PPP1R13B: variants seen among roughly 807,000 people sequenced by gnomAD.
PPP1R13B encodes the protein apoptosis-stimulating of p53 protein 1.
PPP1R13B carries 44 observed loss-of-function variants against 119.8 expected under a neutral mutation model. The ratio of observed to expected loss-of-function variants is 0.37; its 90% confidence interval spans 0.29 to 0.47. The LOEUF (loss-of-function observed/expected upper bound fraction) is 0.47. Among genes scored for constraint, PPP1R13B ranks in the 20% least tolerant of loss-of-function variants. The probability of loss-of-function intolerance (pLI) is 0.99; values close to 1 mark genes in which losing one functional copy is unlikely to be tolerated. For missense variants in PPP1R13B, 1,227 were observed against 1,413.5 expected, an observed-to-expected ratio of 0.87 and a Z score of 2.12; for synonymous variants, 542 against 561.5, an observed-to-expected ratio of 0.97 and a Z score of 0.49.
At chr14:103,825,326 G>A (rs1175201042) in intron 1 of PPP1R13B, among the ~76,000 whole-genome samples, 1 of 152,166 alleles carries the variant, frequency 6.6e-6, no homozygotes, top group Non-Finnish European at 1.5e-5. Context: ...TCAAGTGAAA[G>A]GAAAGTGACC....
intron 1 of PPP1R13B, among the ~76,000 whole-genome samples, chr14:103,808,755 A>G (rs1260502683): frequency 1.3e-5 from 2 of 152,254 alleles, no homozygotes; most frequent in African/African-American, 4.8e-5. Context: ...TATTTTGGAA[A>G]AGGAATAAAA....
chr14:103,774,810 G>A (rs2085149853), intron 4 of PPP1R13B, among the ~76,000 whole-genome samples: 1 of 152,158 alleles, frequency 6.6e-6, no homozygotes, highest in Non-Finnish European at 1.5e-5. Context: ...AAACCGCTCT[G>A]TAGACAATAA....
chr14:103,776,407 A>G (rs916437742), intron 4 of PPP1R13B, among the ~76,000 whole-genome samples: 1 of 152,210 alleles, frequency 6.6e-6, no homozygotes, highest in Non-Finnish European at 1.5e-5. Flanking sequence ...AGAGAGGTGA[A>G]ATAACTTGCT....
chr14:103,769,535 T>C (rs1244921260), intron 4 of PPP1R13B, among the ~76,000 whole-genome samples: 1 of 152,184 alleles, frequency 6.6e-6, no homozygotes, highest in Non-Finnish European at 1.5e-5. Flanking sequence ...CCACAACACA[T>C]ACTGTATAAC....
intron 1 of PPP1R13B, among the ~76,000 whole-genome samples, chr14:103,821,792 A>C (rs368278330): frequency 1.2e-4 from 18 of 152,130 alleles, no homozygotes; most frequent in African/African-American, 3.9e-4. Context: ...AATAAAGAGG[A>C]GCTGACCACA....
In PPP1R13B at chr14:103,737,845, G is replaced by A. The variant is rs200187506; in HGVS notation, c.2880C>T (p.Cys960=). ...ADSDGWTPLH[C]AASCNSVHLC... ...GGTGAACGCTGTTACAAGAGGCAGC[G>A]CAGTGCAGCGGCGTCCTGGAATAGA... The change falls in exon 15 of 17, where the codon TGC becomes TGT. Residue 960 remains cysteine (C), a synonymous_variant. Coordinates refer to ENST00000202556, the MANE Select transcript of PPP1R13B (RefSeq NM_015316.3). The A allele has an allele frequency of 2.9e-4, 463 of 1,613,882 alleles. No homozygotes were observed. In the African/African-American group the frequency reaches 3.2e-3, roughly 11 times the overall value.
intron 1 of PPP1R13B, among the ~76,000 whole-genome samples, chr14:103,808,834 T>TA (rs1014182280): frequency 3.3e-5 from 5 of 152,152 alleles, no homozygotes; most frequent in Non-Finnish European, 7.3e-5. Context: ...TTAACCCTCT[T>TA]ACGAAGGCAG....
chr14:103,758,247 C>T (rs1050791027), intron 4 of PPP1R13B, among the ~76,000 whole-genome samples: 7 of 152,176 alleles, frequency 4.6e-5, no homozygotes, highest in African/African-American at 1.4e-4. Flanking sequence ...ACACATCATC[C>T]GAGAGAATTA....
intron 2 of PPP1R13B, among the ~76,000 whole-genome samples, chr14:103,785,630 G>A (rs540257083): frequency 6.6e-6 from 1 of 151,518 alleles, no homozygotes; most frequent in Admixed American, 6.6e-5. Context: ...TCCTGCCTCG[G>A]CCTCCTGAGT....
At chr14:103,847,724 T>C (rs2087098481), upstream of PPP1R13B, 2 of 747,784 alleles carry the variant, frequency 2.7e-6, no homozygotes, top group South Asian at 6.0e-5. Context: ...CCCGCTACCC[T>C]CGCTCTCAGC....
chr14:103,736,025 T>A lies in PPP1R13B; in HGVS notation c.3209A>T (p.Tyr1070Phe). 1 of 1,614,178 alleles carries A rather than the reference T, an allele frequency of 6.2e-7. No homozygotes were observed. Among genetic ancestry groups the A allele is most frequent in the Non-Finnish European group, 8.5e-7 (1 of 1,180,022 alleles). Reference sequence around the variant, plus strand: ...CACCCCCAGCAGGTTTTTGGGCACATAGCCCTCCCGGTCTCCAAGGCGAGC... The same window carrying A: ...CACCCCCAGCAGGTTTTTGGGCACAAAGCCCTCCCGGTCTCCAAGGCGAGC... ...WWARLGDREG[Y>F]VPKNLLGLYP... is the part of the protein sequence containing the mutation. Residue 1070 changes from tyrosine (Y) to phenylalanine (F), a missense_variant, in exon 16 of 17, where the codon TAT becomes TTT. Tyr to Phe is a conservative substitution (Grantham distance 22). Transcript: ENST00000202556.
intron 1 of PPP1R13B, among the ~76,000 whole-genome samples, chr14:103,821,414 A>G (rs2086404562): frequency 6.6e-6 from 1 of 152,204 alleles, no homozygotes; most frequent in Admixed American, 6.5e-5. Context: ...AAGTCACAAA[A>G]GAGACCCAAA....
intron 1 of PPP1R13B, chr14:103,846,926 A>T: frequency 8.7e-7 from 1 of 1,152,152 alleles, no homozygotes; most frequent in African/African-American, 1.6e-5. Flanking sequence ...GCCGACTCCC[A>T]GGGCGACCCC....
intron 5 of PPP1R13B, among the ~76,000 whole-genome samples, chr14:103,756,534 T>C (rs1183505193): frequency 6.6e-6 from 1 of 151,540 alleles, no homozygotes; most frequent in African/African-American, 2.4e-5. Context: ...TCAGTATATA[T>C]AATAAGCATT....
chr14:103,802,175 C>T (rs1449251514), intron 1 of PPP1R13B, among the ~76,000 whole-genome samples: 1 of 152,076 alleles, frequency 6.6e-6, no homozygotes, highest in Non-Finnish European at 1.5e-5. Flanking sequence ...ACTTCACAAT[C>T]TATGCTCTTA....
At chr14:103,841,829 G>A (rs559429245) in intron 1 of PPP1R13B, among the ~76,000 whole-genome samples, 10 of 152,218 alleles carry the variant, frequency 6.6e-5, no homozygotes, top group South Asian at 2.1e-4. Context: ...TTGATGAAGC[G>A]AATATGAATA....
intron 7 of PPP1R13B, among the ~76,000 whole-genome samples, chr14:103,751,688 C>T (rs1210512674): frequency 6.6e-6 from 1 of 152,142 alleles, no homozygotes; most frequent in Non-Finnish European, 1.5e-5. Flanking sequence ...ACTCTCTCTC[C>T]ACTACGTGGG....
intron 1 of PPP1R13B, among the ~76,000 whole-genome samples, chr14:103,801,038 T>C (rs1185859928): frequency 6.6e-6 from 1 of 152,102 alleles, no homozygotes; most frequent in Non-Finnish European, 1.5e-5. Flanking sequence ...TTAGTAGAGA[T>C]GGTGTTTCTC....
chr14:103,815,058 C>T (rs527781547), intron 1 of PPP1R13B, among the ~76,000 whole-genome samples: 1 of 152,128 alleles, frequency 6.6e-6, no homozygotes, highest in South Asian at 2.1e-4. Flanking sequence ...CTGATGAATG[C>T]CTAAACAAAA....
Sources: allele counts gnomAD v4.1 joint callset (sites outside exome capture counted in the v4.1 genomes callset), GRCh38; gene constraint gnomAD v4.1.1; transcripts MANE v1.5; gene names NCBI Gene and HGNC (gene_info 2026-07-23, HGNC 2026-07-21).